The following GALNT13 variants were observed in gnomAD, a reference collection of about 807,000 sequenced individuals.
GALNT13 encodes the protein polypeptide N-acetylgalactosaminyltransferase 13.
Under a neutral mutation model 64.2 loss-of-function variants are expected in GALNT13, and 28 were observed. The observed-to-expected ratio is 0.44, with a 90% CI of 0.32 to 0.60. GALNT13 has a LOEUF of 0.60. Among genes scored for constraint, GALNT13 ranks in the 20% least tolerant of loss-of-function variants. The pLI, the probability that GALNT13 is intolerant of heterozygous loss-of-function variation, is 0.05. For missense variants in GALNT13, 577 were observed against 669.8 expected (o/e 0.86, Z 1.53); for synonymous variants, 214 against 224.6 (o/e 0.95, Z 0.42).
At chr2:154,110,783 A>G (rs1466133640) in intron 3 of GALNT13, among the ~76,000 whole-genome samples, 1 of 152,100 alleles carries the variant, frequency 6.6e-6, no homozygotes, top group Non-Finnish European at 1.5e-5. Context: ...GACACTCAGT[A>G]TTAACCATCA....
At chr2:154,167,353 C>T (rs1333834055) in intron 4 of GALNT13, among the ~76,000 whole-genome samples, 1 of 151,986 alleles carries the variant, frequency 6.6e-6, no homozygotes, top group African/African-American at 2.4e-5. Context: ...CTCTAATAGG[C>T]ACATATAGCA....
chr2:154,405,274 A>T (rs564080803), intron 10 of GALNT13, among the ~76,000 whole-genome samples: 2 of 152,136 alleles, frequency 1.3e-5, no homozygotes, highest in Admixed American at 1.3e-4. Flanking sequence ...GTAAGAACAC[A>T]TGAGTGAATA....
At chr2:153,781,523 G>A in the GALNT13 span, among the ~76,000 whole-genome samples, 1 of 152,276 alleles carries the variant, frequency 6.6e-6, no homozygotes, top group South Asian at 2.1e-4. Flanking sequence ...GCAAGAATAA[G>A]TAGTCAGCTA....
At chr2:153,588,723 G>T in the GALNT13 span, among the ~76,000 whole-genome samples, 1 of 152,316 alleles carries the variant, frequency 6.6e-6, no homozygotes, top group South Asian at 2.1e-4. Context: ...TTTTGCAGCT[G>T]GCTTGAATTT....
the GALNT13 span, among the ~76,000 whole-genome samples, chr2:153,334,516 G>C: frequency 2.6e-5 from 4 of 152,030 alleles, no homozygotes; most frequent in African/African-American, 9.7e-5. Context: ...TTCTACTGCA[G>C]CATTCACCCT....
intron 4 of GALNT13, among the ~76,000 whole-genome samples, chr2:154,208,626 G>GTC (rs1687598579): frequency 1.5e-4 from 1 of 6,526 alleles, no homozygotes; most frequent in African/African-American, 5.3e-4. Context: ...TTGCGTGTCT[G>GTC]TGTGTGTGTG....
intron 9 of GALNT13, among the ~76,000 whole-genome samples, chr2:154,311,026 A>C (rs1694007785): frequency 6.6e-6 from 1 of 151,922 alleles, no homozygotes; most frequent in Admixed American, 6.6e-5. Context: ...AGTTTACTTA[A>C]ATTTATTAGA....
At chr2:154,390,614 TTATC>T (rs1287762932) in intron 9 of GALNT13, among the ~76,000 whole-genome samples, 1 of 152,210 alleles carries the variant, frequency 6.6e-6, no homozygotes, top group African/African-American at 2.4e-5. Flanking sequence ...CACATTTGCT[TTATC>T]TAGTCTATCA....
At chr2:153,998,928 A>G (rs1412761522) in intron 3 of GALNT13, among the ~76,000 whole-genome samples, 2 of 152,132 alleles carry the variant, frequency 1.3e-5, no homozygotes, top group Non-Finnish European at 2.9e-5. Context: ...AAATCATTCC[A>G]TGCTCATGGA....
chr2:154,226,129 A>C (rs1688606117), intron 4 of GALNT13, among the ~76,000 whole-genome samples: 1 of 152,126 alleles, frequency 6.6e-6, no homozygotes, highest in African/African-American at 2.4e-5. Context: ...AGAATGAATG[A>C]ACAGAGACAG....
the GALNT13 span, among the ~76,000 whole-genome samples, chr2:153,328,192 C>A: frequency 6.6e-6 from 1 of 152,174 alleles, no homozygotes; most frequent in Admixed American, 6.5e-5. Flanking sequence ...CCCTGAGGGG[C>A]AGTTGCCAGA....
intron 4 of GALNT13, among the ~76,000 whole-genome samples, chr2:154,176,481 T>G (rs938735870): frequency 4.0e-5 from 6 of 151,894 alleles, no homozygotes; most frequent in African/African-American, 1.2e-4. Flanking sequence ...CTCGATCTCC[T>G]GACCTCACGA....
the GALNT13 span, among the ~76,000 whole-genome samples, chr2:153,341,570 A>G: frequency 6.6e-6 from 1 of 152,206 alleles, no homozygotes. Flanking sequence ...TAAAGTGCAT[A>G]AGCCGTTCTC....
chr2:153,082,728 T>A, the GALNT13 span, among the ~76,000 whole-genome samples: 2 of 142,826 alleles, frequency 1.4e-5, no homozygotes, highest in African/African-American at 5.1e-5. Flanking sequence ...AAATTTAGGC[T>A]GGTTTATATA....
At chr2:153,544,599 G>A in the GALNT13 span, among the ~76,000 whole-genome samples, 3 of 152,134 alleles carry the variant, frequency 2.0e-5, no homozygotes, top group Non-Finnish European at 4.4e-5. Context: ...GGCAAATTGA[G>A]GAAAACTAAG....
the GALNT13 span, among the ~76,000 whole-genome samples, chr2:153,101,792 T>C: frequency 1.3e-5 from 2 of 152,244 alleles, no homozygotes; most frequent in Non-Finnish European, 2.9e-5. Context: ...TTTCTTCATA[T>C]AGACATATGC....
chr2:153,583,388 A>C, the GALNT13 span, among the ~76,000 whole-genome samples: 1 of 152,244 alleles, frequency 6.6e-6, no homozygotes, highest in Non-Finnish European at 1.5e-5. Context: ...AGAAGAACCA[A>C]AGTAATGTGT....
At chr2:153,642,505 G>A in the GALNT13 span, among the ~76,000 whole-genome samples, 1 of 151,522 alleles carries the variant, frequency 6.6e-6, no homozygotes, top group Non-Finnish European at 1.5e-5. Flanking sequence ...ATTGAAGAAA[G>A]GTATAATTAT....
chr2:154,416,339 G>A (rs1700006725), intron 11 of GALNT13, among the ~76,000 whole-genome samples: 1 of 151,648 alleles, frequency 6.6e-6, no homozygotes, highest in Non-Finnish European at 1.5e-5. Flanking sequence ...ATGCTCACAT[G>A]GTGAAAGAGA....
Sources: allele counts gnomAD v4.1 joint callset (sites outside exome capture counted in the v4.1 genomes callset), GRCh38; gene constraint gnomAD v4.1.1; transcripts MANE v1.5; gene names NCBI Gene and HGNC (gene_info 2026-07-23, HGNC 2026-07-21).